The following EPHA5 variants were observed in gnomAD, a reference collection of about 807,000 sequenced individuals.
The protein encoded by EPHA5 is EPH receptor A5.
In EPHA5, 60 loss-of-function variants were observed where a neutral mutation model predicts 105.0. The ratio of observed to expected loss-of-function variants is 0.57; its 90% confidence interval spans 0.46 to 0.71. The LOEUF (loss-of-function observed/expected upper bound fraction) is 0.71. Among genes scored for constraint, EPHA5 ranks in the 30% least tolerant of loss-of-function variants. The pLI, the probability that EPHA5 is intolerant of heterozygous loss-of-function variation, is 0.00. For synonymous variants in EPHA5, 513 were observed against 449.1 expected (o/e 1.14, Z -1.80); for missense variants, 1,218 against 1,274.7 (o/e 0.96, Z 0.68).
chr4:65,451,808 A>G (rs1170194714), intron 5 of EPHA5, among the ~76,000 whole-genome samples: 5 of 152,170 alleles, frequency 3.3e-5, no homozygotes, highest in Admixed American at 6.6e-5. Flanking sequence ...TGTGTTGCCA[A>G]TTAAGAGGAA....
At chr4:65,520,329 C>T (rs143446652) in intron 3 of EPHA5, among the ~76,000 whole-genome samples, 4,468 of 151,702 alleles carry the variant, frequency 0.029, 105 homozygotes, top group Non-Finnish European at 0.041. Flanking sequence ...AGCCATATGT[C>T]GAAAGCTGAA....
At chr4:65,418,690 A>G (rs1281022492) in intron 6 of EPHA5, among the ~76,000 whole-genome samples, 1 of 152,028 alleles carries the variant, frequency 6.6e-6, no homozygotes, top group African/African-American at 2.4e-5. Flanking sequence ...ACATTGTAGA[A>G]ACATTAAAAA....
At chr4:65,579,389 T>A (rs1348009270) in intron 3 of EPHA5, among the ~76,000 whole-genome samples, 1 of 147,724 alleles carries the variant, frequency 6.8e-6, no homozygotes, top group Non-Finnish European at 1.5e-5. Context: ...TATATATATA[T>A]AAAATATTTA....
At chr4:65,493,539 T>A in intron 4 of EPHA5, among the ~76,000 whole-genome samples, 1 of 152,130 alleles carries the variant, frequency 6.6e-6, no homozygotes, top group Non-Finnish European at 1.5e-5. Context: ...ACTAAAAACA[T>A]ACACACACAC....
At position 65,495,434 on chromosome 4, in the gene EPHA5, C is replaced by T. The variant is rs1288085069; in HGVS notation, c.1020G>A (p.Lys340=). 1.9e-6 allele frequency: 3 copies of T among 1,613,742 alleles called. No homozygotes were observed. The highest frequency in any genetic ancestry group is 1.7e-6 in the Non-Finnish European group (2 of 1,179,794). Residue 340 remains lysine, a synonymous_variant, in exon 4 of 17, where the codon AAG becomes AAA. Transcript: ENST00000613740. The part of the protein sequence containing the change: ...EEASTSCVCE[K]DYFRRESDPP... ...GATCAGACTCTCTCCTGAAATAATC[C>T]TTTTCACAGACACAAGAGGTTGAAG... is the stretch of plus-strand genomic sequence containing the variant.
chr4:65,346,874 T>C (rs1722275118), intron 14 of EPHA5, among the ~76,000 whole-genome samples: 1 of 152,126 alleles, frequency 6.6e-6, no homozygotes, highest in Admixed American at 6.5e-5. Flanking sequence ...TTTTCTACCT[T>C]TCCACCCAAA....
chr4:65,386,597 G>A (rs751876470), intron 8 of EPHA5, among the ~76,000 whole-genome samples: 7 of 151,812 alleles, frequency 4.6e-5, no homozygotes, highest in Non-Finnish European at 8.8e-5. Flanking sequence ...CACAGAGAGA[G>A]CAAAACATTC....
At chr4:65,439,156 A>G (rs1027060521) in intron 5 of EPHA5, among the ~76,000 whole-genome samples, 1 of 152,168 alleles carries the variant, frequency 6.6e-6, no homozygotes, top group African/African-American at 2.4e-5. Context: ...TTCAGAGTCC[A>G]TATGTCTAAC....
intron 13 of EPHA5, among the ~76,000 whole-genome samples, chr4:65,350,839 C>A: frequency 6.6e-6 from 1 of 151,986 alleles, no homozygotes; most frequent in African/African-American, 2.4e-5. Context: ...ACAATACCTC[C>A]AGGAAATCAA....
At chr4:65,564,676 T>C (rs1739348950) in intron 3 of EPHA5, among the ~76,000 whole-genome samples, 1 of 151,818 alleles carries the variant, frequency 6.6e-6, no homozygotes. Flanking sequence ...CAATGTTTTA[T>C]ACATTTCGTG....
intron 13 of EPHA5, 125 bp downstream of exon 13, chr4:65,351,264 C>T: frequency 3.8e-6 from 3 of 798,838 alleles, no homozygotes; most frequent in East Asian, 2.6e-5. Flanking sequence ...TCTCCCTCTC[C>T]CCCTCATTCT....
intron 5 of EPHA5, among the ~76,000 whole-genome samples, chr4:65,437,247 G>A (rs1725563570): frequency 6.6e-6 from 1 of 151,918 alleles, no homozygotes; most frequent in Non-Finnish European, 1.5e-5. Context: ...AGAAGGCAGA[G>A]CCATCCTACT....
chr4:65,657,757 T>C (rs1172417508), intron 1 of EPHA5, among the ~76,000 whole-genome samples: 2 of 152,098 alleles, frequency 1.3e-5, no homozygotes. Flanking sequence ...AGTTACTTAA[T>C]AATATTCGTT....
chr4:65,369,618 A>T (rs145972409), intron 8 of EPHA5, among the ~76,000 whole-genome samples: 1 of 152,158 alleles, frequency 6.6e-6, no homozygotes, highest in African/African-American at 2.4e-5. Flanking sequence ...ATGTGTAACT[A>T]CATATATATT....
At chr4:65,516,784 A>G (rs1438209439) in intron 3 of EPHA5, among the ~76,000 whole-genome samples, 1 of 151,902 alleles carries the variant, frequency 6.6e-6, no homozygotes, top group African/African-American at 2.4e-5. Context: ...TGTCTTTTAG[A>G]CTCCATACAA....
intron 3 of EPHA5, among the ~76,000 whole-genome samples, chr4:65,514,898 A>G (rs1351072045): frequency 6.6e-6 from 1 of 152,130 alleles, no homozygotes; most frequent in Non-Finnish European, 1.5e-5. Flanking sequence ...CCTCAACTCC[A>G]ATAATCATCC....
At chr4:65,365,689 A>ATATATATATATATATATATATATATATT (rs765636669) in intron 10 of EPHA5, among the ~76,000 whole-genome samples, 2 of 93,832 alleles carry the variant, frequency 2.1e-5, no homozygotes, top group East Asian at 3.7e-4. Context: ...ATATATATAT[A>ATATATATATATATATATATATATATATT]GTGAAACATT....
chr4:65,633,950 G>A (rs575391547), intron 2 of EPHA5, among the ~76,000 whole-genome samples: 2 of 152,164 alleles, frequency 1.3e-5, no homozygotes, highest in South Asian at 2.1e-4. Context: ...ACCTGTACAC[G>A]TTGTAATCTG....
chr4:65,401,574 G>T (rs565245637), intron 8 of EPHA5, among the ~76,000 whole-genome samples: 1 of 152,178 alleles, frequency 6.6e-6, no homozygotes, highest in East Asian at 1.9e-4. Context: ...CCTCAGATTC[G>T]TTTTTGGCGA....
Sources: allele counts gnomAD v4.1 joint callset (sites outside exome capture counted in the v4.1 genomes callset), GRCh38; gene constraint gnomAD v4.1.1; transcripts MANE v1.5; gene names NCBI Gene and HGNC (gene_info 2026-07-23, HGNC 2026-07-21).